Variants in AGBL1 observed in about 807,000 individuals in gnomAD.
AGBL1 encodes AGBL carboxypeptidase 1.
In AGBL1, 130 loss-of-function variants were observed where a neutral mutation model predicts 118.9. The ratio of observed to expected loss-of-function variants is 1.09; its 90% confidence interval spans 0.95 to 1.26. AGBL1 has a LOEUF of 1.26. Among genes scored for constraint, AGBL1 ranks in the 50% most tolerant of loss-of-function variants. The pLI, the probability that AGBL1 is intolerant of heterozygous loss-of-function variation, is 0.00. For synonymous variants in AGBL1, 555 were observed against 478.9 expected (o/e 1.16, Z -2.08); for missense variants, 1,584 against 1,298.1 (o/e 1.22, Z -3.38).
chr15:86,792,565 G>C (rs1297136373), intron 22 of AGBL1, among the ~76,000 whole-genome samples: 1 of 152,066 alleles, frequency 6.6e-6, no homozygotes, highest in African/African-American at 2.4e-5. Context: ...AGAATAAAGT[G>C]GTTAAATAGA....
chr15:86,779,218 T>A (rs75728014), intron 22 of AGBL1, among the ~76,000 whole-genome samples: 3,427 of 152,310 alleles, frequency 0.023, 43 homozygotes, highest in Non-Finnish European at 0.034. Flanking sequence ...CTTCCCACCA[T>A]GTGAGGACAC....
At chr15:86,235,483 T>C (rs1003303172) in intron 6 of AGBL1, among the ~76,000 whole-genome samples, 1 of 152,248 alleles carries the variant, frequency 6.6e-6, no homozygotes, top group Non-Finnish European at 1.5e-5. Context: ...TGACTGGCTA[T>C]GGATTGACAA....
chr15:86,565,472 G>T (rs893477072), intron 21 of AGBL1, among the ~76,000 whole-genome samples: 1 of 152,250 alleles, frequency 6.6e-6, no homozygotes, highest in Non-Finnish European at 1.5e-5. Context: ...AAATGTTGCT[G>T]CCTGATCGTT....
intron 1 of AGBL1, among the ~76,000 whole-genome samples, chr15:86,125,194 A>G (rs1191288802): frequency 3.9e-5 from 6 of 152,194 alleles, no homozygotes; most frequent in African/African-American, 1.2e-4. Context: ...GAAATAATCA[A>G]TAAGGTTTTT....
chr15:86,307,617 C>G (rs1189416598), intron 17 of AGBL1, among the ~76,000 whole-genome samples: 2 of 151,956 alleles, frequency 1.3e-5, no homozygotes, highest in Admixed American at 1.3e-4. Flanking sequence ...TAGGTCTTCT[C>G]TCAGCAGCAT....
At chr15:86,932,037 G>A (rs918775017) in intron 23 of AGBL1, among the ~76,000 whole-genome samples, 1 of 152,066 alleles carries the variant, frequency 6.6e-6, no homozygotes, top group Admixed American at 6.5e-5. Context: ...AAGCTGGAAG[G>A]GATTTTAAAT....
intron 21 of AGBL1, among the ~76,000 whole-genome samples, chr15:86,563,631 T>G (rs2142292250): frequency 6.6e-6 from 1 of 152,294 alleles, no homozygotes; most frequent in Middle Eastern, 3.4e-3. Context: ...GATGGTTATG[T>G]GGATGTCTGT....
At chr15:86,753,200 C>T (rs1444875811) in intron 22 of AGBL1, among the ~76,000 whole-genome samples, 1 of 151,850 alleles carries the variant, frequency 6.6e-6, no homozygotes, top group East Asian at 1.9e-4. Context: ...CTCAATCTGG[C>T]CCTGGGTGGT....
intron 18 of AGBL1, among the ~76,000 whole-genome samples, chr15:86,430,357 C>T (rs977291434): frequency 4.6e-5 from 7 of 151,698 alleles, no homozygotes; most frequent in South Asian, 2.1e-4. Context: ...TAGCTGGTCG[C>T]GGTGATAGGC....
intron 15 of AGBL1, among the ~76,000 whole-genome samples, chr15:86,275,063 T>A (rs1302374704): frequency 1.3e-5 from 2 of 152,148 alleles, no homozygotes; most frequent in African/African-American, 4.8e-5. Context: ...AGGGCCCTTT[T>A]AGTTTCTTTT....
chr15:86,485,583 C>T (rs910560235), intron 18 of AGBL1, among the ~76,000 whole-genome samples: 2 of 152,062 alleles, frequency 1.3e-5, no homozygotes, highest in African/African-American at 2.4e-5. Flanking sequence ...TTTATGTACA[C>T]TGAATTTTAA....
intron 22 of AGBL1, among the ~76,000 whole-genome samples, chr15:86,700,464 CTAAT>C (rs2086336613): frequency 1.9e-5 from 2 of 106,812 alleles, no homozygotes; most frequent in African/African-American, 8.4e-5. Flanking sequence ...TTTCAGCAGA[CTAAT>C]ACACACACAC....
chr15:86,599,774 A>G (rs868214608), intron 21 of AGBL1, among the ~76,000 whole-genome samples: 1 of 152,068 alleles, frequency 6.6e-6, no homozygotes, highest in African/African-American at 2.4e-5. Context: ...CCCCAATTCT[A>G]TGCTCATTCT....
intron 22 of AGBL1, among the ~76,000 whole-genome samples, chr15:86,700,980 C>A (rs914118328): frequency 6.6e-6 from 1 of 152,078 alleles, no homozygotes; most frequent in Admixed American, 6.6e-5. Context: ...CCTCCCCAGT[C>A]GTGCTGAGGG....
intron 17 of AGBL1, among the ~76,000 whole-genome samples, chr15:86,313,791 C>G (rs79523333): frequency 0.028 from 4,233 of 152,338 alleles, 96 homozygotes; most frequent in East Asian, 0.053. Context: ...CTTGGAATAA[C>G]TTTAGAGATA....
At chr15:86,438,569 A>G (rs140606179) in intron 18 of AGBL1, among the ~76,000 whole-genome samples, 21 of 152,298 alleles carry the variant, frequency 1.4e-4, no homozygotes, top group Middle Eastern at 3.4e-3. Context: ...TTTTAGTACA[A>G]GTATGTCCCA....
At chr15:86,561,812 T>G (rs1211950091) in intron 21 of AGBL1, among the ~76,000 whole-genome samples, 1 of 152,230 alleles carries the variant, frequency 6.6e-6, no homozygotes, top group Non-Finnish European at 1.5e-5. Context: ...CATTTGTTTG[T>G]ATCCTCTTTT....
intron 17 of AGBL1, among the ~76,000 whole-genome samples, chr15:86,333,996 C>G (rs1228150674): frequency 6.6e-6 from 1 of 152,146 alleles, no homozygotes; most frequent in Non-Finnish European, 1.5e-5. Flanking sequence ...CATAATGAAA[C>G]TCTAAAGAAA....
At chr15:86,172,848 C>A (rs897845832) in intron 5 of AGBL1, among the ~76,000 whole-genome samples, 3 of 152,010 alleles carry the variant, frequency 2.0e-5, no homozygotes, top group Admixed American at 2.0e-4. Flanking sequence ...GATTTCCTTT[C>A]TTTTGGTTAA....
Sources: gnomAD v4.1 joint callset for allele counts (sites outside exome capture counted in the v4.1 genomes callset) on GRCh38, gnomAD v4.1.1 for gene constraint, MANE v1.5 for transcripts, NCBI Gene and HGNC (gene_info 2026-07-23, HGNC 2026-07-21) for gene names.